Variants in ARAP1 observed in about 807,000 individuals in gnomAD.
ARAP1 encodes arf-GAP with Rho-GAP domain, ANK repeat and PH domain-containing protein 1.
In ARAP1, 76 loss-of-function variants were observed where a neutral mutation model predicts 172.2. The observed-to-expected ratio is 0.44, with a 90% CI of 0.37 to 0.53. The LOEUF (loss-of-function observed/expected upper bound fraction) is 0.53, where lower values mean the gene tolerates loss of function less well. ARAP1 is among the 20% of genes least tolerant of loss of function. ARAP1 has a pLI of 0.00. For missense variants in ARAP1, 1,686 were observed against 1,977.5 expected, an observed-to-expected ratio of 0.85 and a Z score of 2.80; for synonymous variants, 804 against 803.3, an observed-to-expected ratio of 1.00 and a Z score of -0.01.
At chr11:72,752,107 C>G (rs998942288) in intron 1 of ARAP1, among the ~76,000 whole-genome samples, 72 of 152,362 alleles carry the variant, frequency 4.7e-4, no homozygotes, top group African/African-American at 1.6e-3. Flanking sequence ...GCTGGAAGCC[C>G]CGGGTCCCGC....
intron 16 of ARAP1, 53 bp downstream of exon 16, chr11:72,701,596 T>C: frequency 6.3e-7 from 1 of 1,577,406 alleles, no homozygotes; most frequent in Non-Finnish European, 8.6e-7. Flanking sequence ...TCCCTAGCCC[T>C]GCAGCCGTGA....
chr11:72,734,137 T>C (rs750897987), intron 1 of ARAP1, among the ~76,000 whole-genome samples: 5 of 152,310 alleles, frequency 3.3e-5, no homozygotes, highest in Non-Finnish European at 5.9e-5. Flanking sequence ...TATTTTATTT[T>C]TGAGACAGGG....
intron 30 of ARAP1, among the ~76,000 whole-genome samples, chr11:72,692,326 C>G (rs1855974378): frequency 6.6e-6 from 1 of 152,132 alleles, no homozygotes; most frequent in South Asian, 2.1e-4. Context: ...ATCCCACAAG[C>G]CTCTCTCGTC....
intron 1 of ARAP1, among the ~76,000 whole-genome samples, chr11:72,739,803 CCAGG>C (rs1201697880): frequency 3.3e-5 from 5 of 152,154 alleles, no homozygotes. Flanking sequence ...AGGCTTGTAG[CCAGG>C]CTCTGGGCTA....
At chr11:72,718,936 G>C (rs538691676) in intron 3 of ARAP1, among the ~76,000 whole-genome samples, 2 of 152,184 alleles carry the variant, frequency 1.3e-5, no homozygotes, top group Non-Finnish European at 2.9e-5. Flanking sequence ...CTGTGTGTGC[G>C]TGTCTACGTG....
At chr11:72,696,692 T>G in intron 22 of ARAP1, 38 bp from the exon 23 acceptor site, 1 of 1,518,472 alleles carries the variant, frequency 6.6e-7, no homozygotes, top group Non-Finnish European at 8.9e-7. Context: ...AAACCCCCTG[T>G]AACTATCTTC....
intron 1 of ARAP1, among the ~76,000 whole-genome samples, chr11:72,748,382 T>G (rs552889777): frequency 4.9e-4 from 75 of 152,174 alleles, no homozygotes; most frequent in Middle Eastern, 3.4e-3. Flanking sequence ...TAGCTGGGTA[T>G]GGTGGCGCGT....
intron 3 of ARAP1, among the ~76,000 whole-genome samples, chr11:72,716,484 G>A (rs962949590): frequency 6.6e-6 from 1 of 152,276 alleles, no homozygotes; most frequent in African/African-American, 2.4e-5. Flanking sequence ...TTGGCAGCAT[G>A]GCCTGTGGAG....
chr11:72,748,391 G>T (rs1272301301), intron 1 of ARAP1, among the ~76,000 whole-genome samples: 5 of 151,960 alleles, frequency 3.3e-5, no homozygotes, highest in Admixed American at 1.3e-4. Flanking sequence ...ATGGTGGCGC[G>T]TGCCTGTAAT....
At position 72,686,080 on chromosome 11, in the gene ARAP1, G is replaced by C. The variant is rs774313722; in HGVS notation, c.4297C>G (p.Arg1433Gly). Residue 1433 changes from arginine (R) to glycine (G), a missense_variant, in exon 34 of 35, where the codon CGC becomes GGC. Arg to Gly is a moderately radical substitution (Grantham distance 125, BLOSUM62 -2). Transcript: ENST00000393609. The stretch of plus-strand genomic sequence containing the variant: ...GCGGTGAAGGCAGCCACACTCCGGC[G>C]CATTTCATTTTCACTACCTCGAAGG... ...IPLRGSENEM[R>G]RSVAAFTADP... is the part of the protein sequence containing the mutation. 1 of 1,613,932 alleles carries C rather than the reference G, an allele frequency of 6.2e-7. No individual in the cohort carries two copies. The highest frequency in any genetic ancestry group is 8.5e-7 in the Non-Finnish European group (1 of 1,180,044).
Position 72,702,164 on chromosome 11 carries a change from T to C in ARAP1, c.2168-381A>G, listed in dbSNP as rs148406303. ...GTCCCAGACAGCGGGAAGCTCAAGGTGGCAGCCTGACTACAGCCCTGTTCC... is the reference window on the plus strand; with the variant it reads ...GTCCCAGACAGCGGGAAGCTCAAGGCGGCAGCCTGACTACAGCCCTGTTCC... On this transcript the variant is annotated intron_variant, in intron 15 of 34. Coordinates refer to ENST00000393609, the MANE Select transcript of ARAP1 (RefSeq NM_001040118.3). Among the ~76,000 whole-genome samples the C allele has an allele frequency of 7.3e-3, 1,105 of 152,330 alleles. 9 individuals carry two copies. The highest frequency in any genetic ancestry group is 0.017 in the South Asian group (80 of 4,832).
At chr11:72,706,286 A>T (rs1354796568) in intron 12 of ARAP1, among the ~76,000 whole-genome samples, 1 of 151,886 alleles carries the variant, frequency 6.6e-6, no homozygotes. Flanking sequence ...TCATCTTTCT[A>T]CCCAGACTGT....
rs1423472585 is a variant in ARAP1 at position 72,707,358 on chromosome 11, C to G, written c.1540G>C (p.Glu514Gln). 6.2e-7 allele frequency: 1 copy of G among 1,612,480 alleles called. No individual in the cohort carries two copies. The highest frequency in any genetic ancestry group is 1.3e-5 in the African/African-American group (1 of 74,904). ...YRIFSFSADS[E>Q]LEKEQWLEAM... ...TCCAACCACTGCTCCTTCTCTAGCT[C>G]TGAGTCAGCAGAGAAGCTGGGGACA... The change falls in exon 12 of 35, where the codon GAG becomes CAG. Residue 514 changes from glutamate to glutamine, a missense_variant. Transcript: ENST00000393609.
chr11:72,729,093 A>G (rs1857782675), intron 2 of ARAP1, among the ~76,000 whole-genome samples: 1 of 152,256 alleles, frequency 6.6e-6, no homozygotes, highest in Non-Finnish European at 1.5e-5. Flanking sequence ...CAGATCAATT[A>G]AACAGAACAG....
chr11:72,744,720 G>A (rs1565234143), intron 1 of ARAP1, among the ~76,000 whole-genome samples: 1 of 152,144 alleles, frequency 6.6e-6, no homozygotes, highest in Non-Finnish European at 1.5e-5. Context: ...AGAGATACTG[G>A]AGCAACCTCC....
At chr11:72,709,746 T>C (rs916389531) in intron 11 of ARAP1, 124 bp downstream of exon 11, 6 of 969,168 alleles carry the variant, frequency 6.2e-6, no homozygotes, top group Non-Finnish European at 9.9e-6. Flanking sequence ...GCTCCACAGG[T>C]GGGGCAGGGC....
rs1858556362 is a variant in ARAP1 at position 72,752,314 on chromosome 11, G to T, written c.-128+14C>A. ...GGGGCCTGCAGACGGGGAGGCTCCG[G>T]CAGCCGCACTGACCTGTTTTGAGTA... On this transcript the variant is annotated intron_variant, in intron 1 of 34. Coordinates refer to ENST00000393609, the MANE Select transcript of ARAP1 (RefSeq NM_001040118.3). The T allele has an allele frequency of 6.6e-6, 1 of 152,332 alleles. No homozygotes were observed. The highest frequency in any genetic ancestry group is 6.5e-5 in the Admixed American group (1 of 15,292). 9.4% of individuals were successfully genotyped at this position (152,332 alleles called of 1,614,324 possible). A position where few individuals can be genotyped will look rare whatever the true frequency, so the allele number is the denominator to read the frequency against.
At chr11:72,743,193 G>A (rs968891287) in intron 1 of ARAP1, among the ~76,000 whole-genome samples, 8 of 152,212 alleles carry the variant, frequency 5.3e-5, no homozygotes, top group African/African-American at 1.4e-4. Flanking sequence ...CTTATTCACA[G>A]TTGTATCTTC....
chr11:72,722,443 TC>T, intron 3 of ARAP1: 1 of 794,456 alleles, frequency 1.3e-6, no homozygotes. Flanking sequence ...ACCAACAGTG[TC>T]CACTGATCTT....
Sources: allele counts gnomAD v4.1 joint callset (sites outside exome capture counted in the v4.1 genomes callset), GRCh38; gene constraint gnomAD v4.1.1; transcripts MANE v1.5; gene names NCBI Gene and HGNC (gene_info 2026-07-23, HGNC 2026-07-21).